Variants in IFT81 observed in about 807,000 individuals in gnomAD.
The protein encoded by IFT81 is intraflagellar transport 81.
A neutral mutation model predicts 102.6 loss-of-function variants in IFT81; 72 were observed. That is an observed-to-expected ratio of 0.70 (90% CI 0.58 to 0.85). The LOEUF (loss-of-function observed/expected upper bound fraction) is 0.85, where lower values mean the gene tolerates loss of function less well. Among genes scored for constraint, IFT81 ranks in the 40% least tolerant of loss-of-function variants. The pLI, the probability that IFT81 is intolerant of heterozygous loss-of-function variation, is 0.00. For missense variants in IFT81, 723 were observed against 787.3 expected (o/e 0.92, Z 0.98); for synonymous variants, 237 against 242.7 (o/e 0.98, Z 0.22).
At chr12:110,202,090 A>G (rs553058660) in intron 14 of IFT81, among the ~76,000 whole-genome samples, 62 of 152,354 alleles carry the variant, frequency 4.1e-4, no homozygotes, top group African/African-American at 1.4e-3. Flanking sequence ...TTGTATTGCT[A>G]TACTTCTATA....
chr12:110,146,840 G>T, intron 9 of IFT81, 113 bp from the exon 10 acceptor site: 1 of 1,284,726 alleles, frequency 7.8e-7, no homozygotes, highest in Non-Finnish European at 1.0e-6. Flanking sequence ...CTGAGACCTT[G>T]TCTTTAAAAA....
chr12:110,180,822 GGTTA>G (rs1189145564), intron 12 of IFT81, among the ~76,000 whole-genome samples: 3 of 152,048 alleles, frequency 2.0e-5, no homozygotes, highest in African/African-American at 7.2e-5. Flanking sequence ...TTTTTCTTTT[GGTTA>G]GTTAGTTAAT....
At chr12:110,206,827 C>T (rs1009141708) in intron 17 of IFT81, among the ~76,000 whole-genome samples, 6 of 151,880 alleles carry the variant, frequency 4.0e-5, no homozygotes, top group Non-Finnish European at 8.8e-5. Context: ...TAAAAATGTA[C>T]TTATTCATAT....
intron 11 of IFT81, among the ~76,000 whole-genome samples, chr12:110,175,341 T>C (rs1216358595): frequency 6.6e-6 from 1 of 152,228 alleles, no homozygotes; most frequent in African/African-American, 2.4e-5. Context: ...CTCACAATAT[T>C]TGTGGCACGT....
intron 11 of IFT81, among the ~76,000 whole-genome samples, chr12:110,167,327 G>C (rs1896493639): frequency 6.6e-6 from 1 of 152,128 alleles, no homozygotes. Context: ...TTATCTGCCA[G>C]AGTTCTGACA....
chr12:110,139,866 T>TAAAAA (rs1477964163), intron 8 of IFT81, among the ~76,000 whole-genome samples: 1 of 130,092 alleles, frequency 7.7e-6, no homozygotes, highest in African/African-American at 3.1e-5. Flanking sequence ...TAAAATAAAA[T>TAAAAA]ATAAAATAAA....
At chr12:110,209,666 G>A (rs953215275) in intron 18 of IFT81, among the ~76,000 whole-genome samples, 2 of 151,658 alleles carry the variant, frequency 1.3e-5, no homozygotes, top group African/African-American at 4.9e-5. Context: ...CTACTCTGGA[G>A]CCTGAGGCAG....
intron 10 of IFT81, among the ~76,000 whole-genome samples, chr12:110,150,893 T>C (rs781005876): frequency 6.6e-5 from 10 of 152,170 alleles, no homozygotes; most frequent in Non-Finnish European, 1.3e-4. Flanking sequence ...CATATCTCAC[T>C]TCTTAGGGAA....
At chr12:110,174,833 G>A (rs530969972) in intron 11 of IFT81, among the ~76,000 whole-genome samples, 27 of 152,238 alleles carry the variant, frequency 1.8e-4, no homozygotes, top group Admixed American at 9.2e-4. Flanking sequence ...TTGATCACAG[G>A]GGAGCCGAGT....
At chr12:110,216,234 A>C (rs1052198122) in intron 18 of IFT81, among the ~76,000 whole-genome samples, 5 of 152,142 alleles carry the variant, frequency 3.3e-5, no homozygotes, top group African/African-American at 1.2e-4. Context: ...TCTGTTGCCC[A>C]GGCTGGAGTG....
chr12:110,177,945 A>T (rs1897109008), intron 11 of IFT81, among the ~76,000 whole-genome samples: 4 of 150,124 alleles, frequency 2.7e-5, no homozygotes, highest in Admixed American at 6.7e-5. Flanking sequence ...AAATACAAAA[A>T]TTAGCCAGGC....
chr12:110,157,741 A>G (rs545343640), intron 10 of IFT81, among the ~76,000 whole-genome samples: 2 of 152,136 alleles, frequency 1.3e-5, no homozygotes, highest in South Asian at 4.1e-4. Context: ...TATTTCTCAG[A>G]CTTGATAATT....
chr12:110,217,744 T>G (rs930135885), intron 18 of IFT81, among the ~76,000 whole-genome samples: 5 of 151,952 alleles, frequency 3.3e-5, no homozygotes, highest in Non-Finnish European at 5.9e-5. Context: ...TTTTGTATTT[T>G]TTTGGAGAAC....
At chr12:110,177,701 A>G (rs1431447798) in intron 11 of IFT81, among the ~76,000 whole-genome samples, 1 of 152,250 alleles carries the variant, frequency 6.6e-6, no homozygotes, top group African/African-American at 2.4e-5. Context: ...TATACTCAGG[A>G]ATCAAGTATT....
intron 5 of IFT81, among the ~76,000 whole-genome samples, chr12:110,134,523 A>G (rs907212115): frequency 5.3e-5 from 8 of 152,244 alleles, no homozygotes; most frequent in African/African-American, 1.9e-4. Context: ...CATAGCCTTA[A>G]AAATAATTTT....
rs144362868 is a variant in IFT81 at position 110,169,398 on chromosome 12, T to A, written c.1188+6333T>A. Among the ~76,000 whole-genome samples the A allele has an allele frequency of 5.6e-3, 849 of 152,236 alleles. 8 individuals carry two copies. The highest frequency in any genetic ancestry group is 7.1e-3 in the Non-Finnish European group (484 of 68,024). On this transcript the variant is annotated intron_variant, in intron 11 of 18. Coordinates refer to ENST00000242591, the MANE Select transcript of IFT81 (RefSeq NM_014055.4). ...TAAGAGTATGACTGTATACTTTGAG[T>A]TCTCCCAGTGAATCACTGAATCTAG...
At chr12:110,165,088 G>GAA (rs963516388) in intron 11 of IFT81, among the ~76,000 whole-genome samples, 1 of 145,130 alleles carries the variant, frequency 6.9e-6, no homozygotes, top group South Asian at 2.2e-4. Context: ...CAATGACAGG[G>GAA]AAAAAAAAAA....
chr12:110,133,631 A>AAAAAG (rs769823283), intron 5 of IFT81, among the ~76,000 whole-genome samples: 1 of 152,204 alleles, frequency 6.6e-6, no homozygotes, highest in African/African-American at 2.4e-5. Flanking sequence ...TGTCTCAAAA[A>AAAAAG]AAAAGAAAAG....
chr12:110,169,744 G>A (rs1328671056), intron 11 of IFT81, among the ~76,000 whole-genome samples: 1 of 151,244 alleles, frequency 6.6e-6, no homozygotes, highest in African/African-American at 2.4e-5. Context: ...TGTATTTTTA[G>A]TACAGACGGA....
Sources: allele counts gnomAD v4.1 joint callset (sites outside exome capture counted in the v4.1 genomes callset), GRCh38; gene constraint gnomAD v4.1.1; transcripts MANE v1.5; gene names NCBI Gene and HGNC (gene_info 2026-07-23, HGNC 2026-07-21).